Variants in TDRD9 observed in about 807,000 individuals in gnomAD.
TDRD9 encodes tudor domain containing 9.
TDRD9 carries 124 observed loss-of-function variants against 172.6 expected under a neutral mutation model. That is an observed-to-expected ratio of 0.72 (90% CI 0.62 to 0.83). The LOEUF (loss-of-function observed/expected upper bound fraction) is 0.83. Among genes scored for constraint, TDRD9 ranks in the 40% least tolerant of loss-of-function variants. TDRD9 has a pLI of 0.00. For missense variants in TDRD9, 1,479 were observed against 1,714.1 expected (o/e 0.86, Z 2.42); for synonymous variants, 619 against 617.1 (o/e 1.00, Z -0.05).
At position 104,012,204 on chromosome 14, in the gene TDRD9, A is replaced by G. The variant is rs61997590; in HGVS notation, c.2107-2521A>G. Among the ~76,000 whole-genome samples, 417 of 152,222 alleles carry G rather than the reference A, an allele frequency of 2.7e-3. 3 individuals carry two copies. Among genetic ancestry groups the G allele is most frequent in the Middle Eastern group, 0.01 (3 of 294 alleles). ...ATGGCCCAAGGCCCCACCGTCAATC[A>G]TATTCTAGCGTGAACTCTTTTGTGT... On this transcript the variant is annotated intron_variant, in intron 20 of 35. Transcript: ENST00000409874.
chr14:104,008,778 G>A (rs557382232), intron 20 of TDRD9, among the ~76,000 whole-genome samples: 2 of 152,284 alleles, frequency 1.3e-5, no homozygotes, highest in African/African-American at 4.8e-5. Context: ...ATTGGGTGTC[G>A]TGGCTCACAC....
intron 20 of TDRD9, 145 bp downstream of exon 20, chr14:104,008,611 A>G: frequency 1.6e-6 from 1 of 613,412 alleles, no homozygotes; most frequent in Non-Finnish European, 2.9e-6. Flanking sequence ...CTTTAGTAGG[A>G]GTGTCTCTTG....
chr14:103,982,414 T>C (rs2033509522), intron 7 of TDRD9, among the ~76,000 whole-genome samples: 1 of 152,132 alleles, frequency 6.6e-6, no homozygotes, highest in African/African-American at 2.4e-5. Context: ...TCCTTGTCGT[T>C]AGGAGAGCTC....
At chr14:103,998,796 T>G (rs2034150310) in intron 13 of TDRD9, 68 bp downstream of exon 13, 1 of 820,046 alleles carries the variant, frequency 1.2e-6, no homozygotes, top group East Asian at 2.5e-5. Flanking sequence ...AGGTGCTTTT[T>G]TTTTTTTTTT....
chr14:103,969,538 C>G (rs963838154), intron 5 of TDRD9, among the ~76,000 whole-genome samples: 1 of 152,214 alleles, frequency 6.6e-6, no homozygotes, highest in Admixed American at 6.5e-5. Flanking sequence ...TTTCTTTTCT[C>G]TATGCTACTT....
At chr14:103,965,902 G>T (rs1196273455) in intron 4 of TDRD9, among the ~76,000 whole-genome samples, 1 of 151,924 alleles carries the variant, frequency 6.6e-6, no homozygotes, top group Non-Finnish European at 1.5e-5. Flanking sequence ...CCAAGCTTGC[G>T]CCACTGCACT....
intron 13 of TDRD9, among the ~76,000 whole-genome samples, chr14:104,000,258 G>A (rs2034214587): frequency 6.7e-6 from 1 of 150,270 alleles, no homozygotes; most frequent in Admixed American, 6.7e-5. Flanking sequence ...AGCCTGGGAG[G>A]TAGAGGTTGA....
chr14:104,025,993 G>A, intron 26 of TDRD9, 54 bp from the exon 27 acceptor site: 1 of 1,203,986 alleles, frequency 8.3e-7, no homozygotes, highest in Non-Finnish European at 1.2e-6. Context: ...TATTGCTCAG[G>A]TAGGGCATTG....
At chr14:104,016,194 C>T (rs772049386) in intron 22 of TDRD9, 106 bp downstream of exon 22, 22 of 781,030 alleles carry the variant, frequency 2.8e-5, no homozygotes, top group African/African-American at 5.2e-5. Context: ...TTTCCCCTGG[C>T]GTGAATATTA....
intron 1 of TDRD9, among the ~76,000 whole-genome samples, chr14:103,950,090 C>CTTTTTTTT (rs58379140): frequency 2.8e-5 from 3 of 108,458 alleles, no homozygotes; most frequent in Non-Finnish European, 5.3e-5. Context: ...TCCTTCCTTC[C>CTTTTTTTT]TTTTTTTTTT....
intron 2 of TDRD9, among the ~76,000 whole-genome samples, chr14:103,960,205 G>C (rs756600248): frequency 6.6e-6 from 1 of 152,130 alleles, no homozygotes; most frequent in Non-Finnish European, 1.5e-5. Context: ...GTAATATATA[G>C]TGTGTAGATT....
chr14:103,977,397 G>A (rs1046552076), intron 7 of TDRD9, among the ~76,000 whole-genome samples: 3 of 148,502 alleles, frequency 2.0e-5, no homozygotes, highest in African/African-American at 7.4e-5. Flanking sequence ...GGAAGCTGAG[G>A]CAGGAGAATG....
At chr14:103,992,593 C>A (rs1277074139) in intron 9 of TDRD9, among the ~76,000 whole-genome samples, 1 of 152,110 alleles carries the variant, frequency 6.6e-6, no homozygotes, top group African/African-American at 2.4e-5. Flanking sequence ...AGTGCTCACG[C>A]CTGGAATCCC....
chr14:103,997,494 G>A lies in TDRD9; in HGVS notation c.1379-1130G>A, dbSNP rs964001469. 6.6e-6 allele frequency among the ~76,000 whole-genome samples: 1 copy of A among 152,330 alleles called. No homozygotes were observed. Among genetic ancestry groups the A allele is most frequent in the Non-Finnish European group, 1.5e-5 (1 of 68,016 alleles). On this transcript the variant is annotated intron_variant, in intron 12 of 35. Coordinates refer to ENST00000409874, the MANE Select transcript of TDRD9 (RefSeq NM_153046.3). This position sits in a 1 kb window ranked among gnomAD's most constrained non-coding sequence, Gnocchi z 5.1. ...TGGGGCAGGTGAGGAGCTGGGATTC[G>A]GGCTGAGACGTGCTAGATGTTCAGG...
chr14:104,005,219 G>T, intron 14 of TDRD9, 55 bp from the exon 15 acceptor site: 8 of 1,576,236 alleles, frequency 5.1e-6, no homozygotes, highest in Non-Finnish European at 6.1e-6. Context: ...TATGTGAATC[G>T]GCTAACTGAT....
chr14:104,043,618 C>A (rs1237359050), intron 34 of TDRD9, among the ~76,000 whole-genome samples: 1 of 152,104 alleles, frequency 6.6e-6, no homozygotes, highest in African/African-American at 2.4e-5. Flanking sequence ...GGTCAGAGCC[C>A]CGGTGCTCCT....
At position 104,026,912 on chromosome 14, in the gene TDRD9, G is replaced by A. The variant is rs761254807; in HGVS notation, c.3255G>A (p.Glu1085=). The A allele has an allele frequency of 6.2e-7, 1 of 1,613,930 alleles. No individual in the cohort carries two copies. Among genetic ancestry groups the A allele is most frequent in the South Asian group, 1.1e-5 (1 of 91,072 alleles). The change falls in exon 28 of 36, where the codon GAG becomes GAA. Residue 1085 remains glutamate, a synonymous_variant. Transcript: ENST00000409874. Reference sequence around the variant, plus strand: ...TCCTCATCCAGCAGGGCTATGCCGAGCTCACGGAGGAGTCCTACGAGTCCA... The same window carrying A: ...TCCTCATCCAGCAGGGCTATGCCGAACTCACGGAGGAGTCCTACGAGTCCA... ...RDVLIQQGYA[E]LTEESYESKQ...
At chr14:103,948,368 A>G (rs1173842548) in intron 1 of TDRD9, among the ~76,000 whole-genome samples, 1 of 152,116 alleles carries the variant, frequency 6.6e-6, no homozygotes, top group Non-Finnish European at 1.5e-5. Flanking sequence ...ATGTGGAGAA[A>G]TTGGAACCCC....
At chr14:104,014,478 G>A (rs946400318) in intron 20 of TDRD9, among the ~76,000 whole-genome samples, 1 of 151,728 alleles carries the variant, frequency 6.6e-6, no homozygotes, top group Non-Finnish European at 1.5e-5. Flanking sequence ...ACTGGGTTTC[G>A]CCATGTTGCC....
Sources: allele counts gnomAD v4.1 joint callset (sites outside exome capture counted in the v4.1 genomes callset), GRCh38; gene constraint gnomAD v4.1.1; non-coding constraint Gnocchi (gnomAD v3.1); transcripts MANE v1.5; gene names NCBI Gene and HGNC (gene_info 2026-07-23, HGNC 2026-07-21).